The following CSMD1 variants were observed in gnomAD, a reference collection of about 807,000 sequenced individuals.
CSMD1 encodes CUB and Sushi multiple domains 1, also known as CUB and sushi domain-containing protein 1.
In CSMD1, 213 loss-of-function variants were observed where a neutral mutation model predicts 417.5. The observed-to-expected ratio is 0.51, with a 90% CI of 0.46 to 0.57. The LOEUF (loss-of-function observed/expected upper bound fraction) is 0.57. Ranked by LOEUF, CSMD1 falls within the 20% of genes least tolerant of loss-of-function variation. CSMD1 has a pLI of 0.00. For synonymous variants in CSMD1, 2,862 were observed against 1,736.8 expected (o/e 1.65, Z -16.11); for missense variants, 6,923 against 4,529.7 (o/e 1.53, Z -15.17).
intron 1 of CSMD1, among the ~76,000 whole-genome samples, chr8:4,931,068 T>C (rs1807215735): frequency 6.6e-6 from 1 of 152,214 alleles, no homozygotes; most frequent in Admixed American, 6.5e-5. Context: ...TCTGTAATAA[T>C]TGGCTTGGAA....
chr8:3,692,483 C>A (rs1294298035), intron 7 of CSMD1, among the ~76,000 whole-genome samples: 1 of 150,900 alleles, frequency 6.6e-6, no homozygotes. Flanking sequence ...CCTCTGTCAC[C>A]CAGGCTGGAG....
intron 5 of CSMD1, among the ~76,000 whole-genome samples, chr8:3,988,595 C>A (rs1814509684): frequency 6.6e-6 from 1 of 152,164 alleles, no homozygotes; most frequent in African/African-American, 2.4e-5. Flanking sequence ...TCCAGTGAGT[C>A]CTGTGCACAT....
chr8:3,689,244 C>T (rs530181635), intron 7 of CSMD1, among the ~76,000 whole-genome samples: 3 of 152,240 alleles, frequency 2.0e-5, no homozygotes, highest in South Asian at 4.1e-4. Flanking sequence ...CCACAGTTAC[C>T]ATGAAGTGAA....
intron 17 of CSMD1, among the ~76,000 whole-genome samples, chr8:3,391,874 T>C (rs1019483060): frequency 5.9e-5 from 9 of 152,132 alleles, no homozygotes; most frequent in Non-Finnish European, 1.2e-4. Flanking sequence ...GTTTATAATG[T>C]GAAACATGTA....
chr8:3,539,112 C>T (rs745319242), intron 10 of CSMD1, among the ~76,000 whole-genome samples: 25 of 152,168 alleles, frequency 1.6e-4, no homozygotes, highest in Non-Finnish European at 3.2e-4. Flanking sequence ...TCCCTGCACC[C>T]GCGGATAGCA....
chr8:3,709,325 C>A (rs1009212749), intron 6 of CSMD1, among the ~76,000 whole-genome samples: 4 of 152,096 alleles, frequency 2.6e-5, no homozygotes, highest in Non-Finnish European at 5.9e-5. Context: ...TGCGAGCAGG[C>A]AGATCGGCTC....
At chr8:3,824,217 T>C (rs1206064665) in intron 5 of CSMD1, among the ~76,000 whole-genome samples, 1 of 151,996 alleles carries the variant, frequency 6.6e-6, no homozygotes, top group Non-Finnish European at 1.5e-5. Flanking sequence ...GAGTTGTTGA[T>C]TTATCTGAGA....
chr8:4,661,705 C>T (rs891776686), intron 1 of CSMD1, among the ~76,000 whole-genome samples: 5 of 152,022 alleles, frequency 3.3e-5, no homozygotes, highest in Non-Finnish European at 7.4e-5. Context: ...GTAAAAAAGT[C>T]CCAAAATAAA....
chr8:3,295,348 G>T (rs536623700), intron 25 of CSMD1, among the ~76,000 whole-genome samples: 32 of 151,972 alleles, frequency 2.1e-4, no homozygotes, highest in African/African-American at 6.8e-4. Flanking sequence ...GGAAGGTCTC[G>T]ATCTCCTGAC....
At chr8:3,618,638 G>C (rs1175598155) in intron 7 of CSMD1, among the ~76,000 whole-genome samples, 1 of 151,998 alleles carries the variant, frequency 6.6e-6, no homozygotes, top group Non-Finnish European at 1.5e-5. Flanking sequence ...CTCCAGACCT[G>C]TATTTCCCTA....
intron 26 of CSMD1, among the ~76,000 whole-genome samples, chr8:3,238,725 G>A (rs184414298): frequency 6.6e-6 from 1 of 152,302 alleles, no homozygotes; most frequent in East Asian, 1.9e-4. Flanking sequence ...AAGGGACTAA[G>A]AATTGGGACC....
chr8:4,454,421 G>T (rs987022865), intron 2 of CSMD1, among the ~76,000 whole-genome samples: 3 of 152,034 alleles, frequency 2.0e-5, no homozygotes, highest in Admixed American at 2.0e-4. Flanking sequence ...GATCTTCTTT[G>T]GATACCCTAC....
chr8:3,614,256 A>C lies in CSMD1; in HGVS notation c.1097+2454T>G, dbSNP rs530396696. 4.6e-5 allele frequency among the ~76,000 whole-genome samples: 7 copies of C among 152,240 alleles called. No homozygotes were observed. In the East Asian group the frequency reaches 1.4e-3, roughly 29 times the overall value. The stretch of plus-strand genomic sequence containing the variant: ...AAAAACTAGGAAAGTGACAGATTGA[A>C]ATTCTCTTCTGAGATAAGATTCTAC... On this transcript the variant is annotated intron_variant, in intron 8 of 69. Coordinates refer to ENST00000635120, the MANE Select transcript of CSMD1 (RefSeq NM_033225.6).
At chr8:3,961,535 G>C (rs78038124) in intron 5 of CSMD1, among the ~76,000 whole-genome samples, 3,070 of 152,204 alleles carry the variant, frequency 0.02, 43 homozygotes, top group Non-Finnish European at 0.03. Flanking sequence ...GAAGACAATA[G>C]GAAATCTATC....
chr8:4,953,064 CAA>C (rs5889076), intron 1 of CSMD1, among the ~76,000 whole-genome samples: 13 of 151,852 alleles, frequency 8.6e-5, no homozygotes, highest in Admixed American at 6.6e-4. Flanking sequence ...GATGTTAAGA[CAA>C]AAAAACATTA....
intron 5 of CSMD1, among the ~76,000 whole-genome samples, chr8:3,883,790 C>G (rs1020715204): frequency 6.6e-6 from 1 of 151,976 alleles, no homozygotes; most frequent in Non-Finnish European, 1.5e-5. Context: ...GCTTTTAAAT[C>G]TACTTAAACA....
intron 3 of CSMD1, among the ~76,000 whole-genome samples, chr8:4,399,608 G>C (rs1182323755): frequency 1.3e-5 from 2 of 151,748 alleles, no homozygotes; most frequent in African/African-American, 4.8e-5. Flanking sequence ...CATATTTGTA[G>C]TTGTAACACC....
intron 2 of CSMD1, among the ~76,000 whole-genome samples, chr8:4,456,769 C>G (rs912840923): frequency 6.6e-6 from 1 of 152,052 alleles, no homozygotes; most frequent in African/African-American, 2.4e-5. Context: ...GGAGAAGACC[C>G]ATCTGACAAC....
At chr8:3,644,929 G>A (rs1216751554) in intron 7 of CSMD1, among the ~76,000 whole-genome samples, 1 of 133,412 alleles carries the variant, frequency 7.5e-6, no homozygotes, top group African/African-American at 3.0e-5. Context: ...CATTTTCCCT[G>A]GAAATTCCAG....
Sources: allele counts gnomAD v4.1 joint callset (sites outside exome capture counted in the v4.1 genomes callset), GRCh38; gene constraint gnomAD v4.1.1; transcripts MANE v1.5; gene names NCBI Gene and HGNC (gene_info 2026-07-23, HGNC 2026-07-21).